Variants in SAE1 observed in about 807,000 individuals in gnomAD.
SAE1 encodes SUMO-activating enzyme subunit 1.
A neutral mutation model predicts 40.6 loss-of-function variants in SAE1; 11 were observed. The observed-to-expected ratio is 0.27, with a 90% CI of 0.17 to 0.45. The LOEUF is 0.45. Ranked by LOEUF, SAE1 falls within the 20% of genes least tolerant of loss-of-function variation. The probability of loss-of-function intolerance (pLI) is 1.00; values close to 1 mark genes in which losing one functional copy is unlikely to be tolerated. For synonymous variants in SAE1, 155 were observed against 154.3 expected, an observed-to-expected ratio of 1.00 and a Z score of -0.03; for missense variants, 373 against 427.3, an observed-to-expected ratio of 0.87 and a Z score of 1.12.
intron 4 of SAE1, among the ~76,000 whole-genome samples, chr19:47,154,400 A>G (rs1408003474): frequency 1.3e-5 from 2 of 151,464 alleles, no homozygotes; most frequent in African/African-American, 2.4e-5. Flanking sequence ...GGTATATTAT[A>G]AAGAAGTTAT....
At chr19:47,171,122 G>A (rs1024985758) in intron 6 of SAE1, among the ~76,000 whole-genome samples, 5 of 145,108 alleles carry the variant, frequency 3.4e-5, no homozygotes, top group East Asian at 4.3e-4. Context: ...CTGCAGGCGC[G>A]TGCCACCACA....
In SAE1 at chr19:47,141,501, G is replaced by A. The variant is rs111484931; in HGVS notation, c.99-1993G>A. 7.2e-3 allele frequency among the ~76,000 whole-genome samples: 1,096 copies of A among 152,222 alleles called. 11 individuals carry two copies. The highest frequency in any genetic ancestry group is 0.025 in the African/African-American group (1,056 of 41,534). ...GTAGAGCTATGTAGGAATGTAGGTC[G>A]TGGAGAGCAGATTTATTGTCAGGGA... On this transcript the variant is annotated intron_variant, in intron 1 of 8. Transcript: ENST00000270225.
At chr19:47,163,543 C>T (rs574297409) in intron 5 of SAE1, among the ~76,000 whole-genome samples, 3 of 152,150 alleles carry the variant, frequency 2.0e-5, no homozygotes, top group African/African-American at 7.2e-5. Context: ...GCCTGGCCAA[C>T]ATGGTGAAAC....
chr19:47,133,018 AT>A (rs1463209586), intron 1 of SAE1, among the ~76,000 whole-genome samples: 2 of 152,174 alleles, frequency 1.3e-5, no homozygotes, highest in African/African-American at 4.8e-5. Context: ...CCTCAGACTT[AT>A]ATGGGAAAGA....
intron 6 of SAE1, among the ~76,000 whole-genome samples, chr19:47,186,229 G>T (rs1004573490): frequency 6.6e-6 from 1 of 150,590 alleles, no homozygotes; most frequent in African/African-American, 2.4e-5. Context: ...AACAGAGAGA[G>T]ACTCTGTCTC....
At chr19:47,205,937 CCTTCA>C (rs1420794518) in intron 8 of SAE1, among the ~76,000 whole-genome samples, 1 of 152,216 alleles carries the variant, frequency 6.6e-6, no homozygotes, top group Non-Finnish European at 1.5e-5. Flanking sequence ...TCAGGTGTTG[CCTTCA>C]ATGGCACCAT....
chr19:47,161,379 A>C (rs763025619), intron 5 of SAE1, among the ~76,000 whole-genome samples: 6 of 152,172 alleles, frequency 3.9e-5, no homozygotes, highest in Non-Finnish European at 5.9e-5. Context: ...ATAATGGAAC[A>C]AAACAAACAC....
intron 2 of SAE1, among the ~76,000 whole-genome samples, chr19:47,144,697 TCAA>T (rs1008085515): frequency 1.9e-4 from 29 of 152,066 alleles, no homozygotes; most frequent in Non-Finnish European, 3.2e-4. Context: ...AGACTCCGTT[TCAA>T]CAACAACAAC....
At chr19:47,159,681 T>G (rs1266026697) in intron 5 of SAE1, among the ~76,000 whole-genome samples, 1 of 152,058 alleles carries the variant, frequency 6.6e-6, no homozygotes, top group African/African-American at 2.4e-5. Context: ...ACCTGGCTAA[T>G]TTTTAATTTT....
At chr19:47,169,945 TA>T (rs759089137) in intron 6 of SAE1, 22 bp downstream of exon 6, 1 of 1,565,740 alleles carries the variant, frequency 6.4e-7, no homozygotes, top group South Asian at 1.1e-5. Context: ...AAGCACAACT[TA>T]CCCCGGGAGA....
chr19:47,194,275 C>T (rs1208827256), intron 6 of SAE1, among the ~76,000 whole-genome samples: 1 of 152,146 alleles, frequency 6.6e-6, no homozygotes, highest in African/African-American at 2.4e-5. Flanking sequence ...ACAGGCTGCT[C>T]ATTACCAAAA....
chr19:47,175,579 A>G (rs2058464275), intron 6 of SAE1, among the ~76,000 whole-genome samples: 1 of 152,150 alleles, frequency 6.6e-6, no homozygotes, highest in South Asian at 2.1e-4. Context: ...TCTACTAAAA[A>G]ACACAAAAAT....
chr19:47,136,171 C>T (rs2058178401), intron 1 of SAE1, among the ~76,000 whole-genome samples: 1 of 151,954 alleles, frequency 6.6e-6, no homozygotes, highest in African/African-American at 2.4e-5. Flanking sequence ...CCGAGCCTCG[C>T]TCTGTTGCCC....
intron 3 of SAE1, among the ~76,000 whole-genome samples, chr19:47,151,340 G>T (rs2058286547): frequency 6.6e-6 from 1 of 151,922 alleles, no homozygotes; most frequent in African/African-American, 2.4e-5. Context: ...TAGTAGAGAT[G>T]GGGTTTCACC....
intron 2 of SAE1, 119 bp downstream of exon 2, chr19:47,143,724 A>T: frequency 1.4e-6 from 1 of 714,876 alleles, no homozygotes; most frequent in South Asian, 1.7e-5. Context: ...GCTAACATTA[A>T]TAAACCATTG....
chr19:47,204,402 G>A (rs2058673825), intron 8 of SAE1, among the ~76,000 whole-genome samples: 1 of 150,066 alleles, frequency 6.7e-6, no homozygotes. Context: ...GTTTCACTGT[G>A]TTAGCCAGGA....
chr19:47,208,494 G>A (rs1191802754), intron 8 of SAE1, among the ~76,000 whole-genome samples: 2 of 151,910 alleles, frequency 1.3e-5, no homozygotes, highest in Non-Finnish European at 2.9e-5. Flanking sequence ...AGGCTGGAGT[G>A]CGGTGGCGCA....
At chr19:47,176,053 T>C (rs2058466678) in intron 6 of SAE1, among the ~76,000 whole-genome samples, 1 of 152,230 alleles carries the variant, frequency 6.6e-6, no homozygotes, top group South Asian at 2.1e-4. Context: ...ACTGTTAAGT[T>C]TTTTAGTATC....
Position 47,143,624 on chromosome 19 carries a change from A to C in SAE1, c.210+19A>C. 6.4e-7 allele frequency: 1 copy of C among 1,559,802 alleles called. No homozygotes were observed. The highest frequency in any genetic ancestry group is 8.8e-7 in the Non-Finnish European group (1 of 1,130,626). On this transcript the variant is annotated intron_variant, in intron 2 of 8. Transcript: ENST00000270225. The stretch of plus-strand genomic sequence containing the variant: ...CGAACAGGTGCGCTGTTGTGAGCTC[A>C]TTCCTCCCCTGCTCTGGCTCCCCTT...
Sources: gnomAD v4.1 joint callset for allele counts (sites outside exome capture counted in the v4.1 genomes callset) on GRCh38, gnomAD v4.1.1 for gene constraint, MANE v1.5 for transcripts, NCBI Gene and HGNC (gene_info 2026-07-23, HGNC 2026-07-21) for gene names.